The following KLHL1 variants were observed in gnomAD, a reference collection of about 807,000 sequenced individuals.
KLHL1 encodes kelch-like protein 1.
In KLHL1, 47 loss-of-function variants were observed where a neutral mutation model predicts 77.7. The observed-to-expected ratio is 0.60, with a 90% CI of 0.48 to 0.77. KLHL1 has a LOEUF of 0.77. Ranked by LOEUF, KLHL1 falls within the 30% of genes least tolerant of loss-of-function variation. KLHL1 has a pLI of 0.00. For missense variants in KLHL1, 925 were observed against 910.8 expected (o/e 1.02, Z -0.20); for synonymous variants, 360 against 325.2 (o/e 1.11, Z -1.15).
intron 5 of KLHL1, among the ~76,000 whole-genome samples, chr13:69,867,429 G>A (rs1880405677): frequency 6.6e-6 from 1 of 151,918 alleles, no homozygotes; most frequent in East Asian, 1.9e-4. Flanking sequence ...TCACACCTGA[G>A]AATAAGAAAG....
At chr13:70,068,624 T>G (rs1887071028) in intron 1 of KLHL1, among the ~76,000 whole-genome samples, 1 of 152,214 alleles carries the variant, frequency 6.6e-6, no homozygotes, top group Admixed American at 6.5e-5. Flanking sequence ...TGTGCCTATT[T>G]TGTGAGTGGA....
At chr13:69,969,698 A>AAAAAATACTGCTAACTCATT (rs1330578421) in intron 2 of KLHL1, among the ~76,000 whole-genome samples, 2 of 151,584 alleles carry the variant, frequency 1.3e-5, no homozygotes, top group Non-Finnish European at 2.9e-5. Flanking sequence ...CTAACTCATT[A>AAAAAATACTGCTAACTCATT]AAAAAAACTG....
chr13:70,078,390 C>T (rs971605795), intron 1 of KLHL1, among the ~76,000 whole-genome samples: 10 of 151,852 alleles, frequency 6.6e-5, no homozygotes, highest in African/African-American at 2.4e-4. Context: ...TATTTAAATA[C>T]CCCATTAGTT....
intron 4 of KLHL1, among the ~76,000 whole-genome samples, chr13:69,939,356 T>TACATATACATAC (rs1566424682): frequency 1.0e-4 from 8 of 78,494 alleles, no homozygotes; most frequent in African/African-American, 4.0e-4. Flanking sequence ...TATATATATA[T>TACATATACATAC]ATATATATAT....
intron 2 of KLHL1, among the ~76,000 whole-genome samples, chr13:69,969,500 G>A (rs1161747986): frequency 1.3e-5 from 2 of 151,854 alleles, no homozygotes; most frequent in African/African-American, 4.8e-5. Flanking sequence ...TAAACTAGAG[G>A]ATAAATATAT....
intron 1 of KLHL1, among the ~76,000 whole-genome samples, chr13:70,041,185 A>T (rs1256656500): frequency 6.6e-6 from 1 of 152,058 alleles, no homozygotes; most frequent in Non-Finnish European, 1.5e-5. Context: ...ATATTTTTAT[A>T]ATAACTGTTT....
chr13:69,738,776 T>C (rs1284574943), intron 8 of KLHL1, among the ~76,000 whole-genome samples: 1 of 152,088 alleles, frequency 6.6e-6, no homozygotes, highest in African/African-American at 2.4e-5. Context: ...CTACATCTGA[T>C]AGGGGTACCT....
At chr13:69,709,975 T>G (rs9317836) in intron 9 of KLHL1, among the ~76,000 whole-genome samples, 73,804 of 151,378 alleles carry the variant, frequency 0.49, 19,382 homozygotes, top group East Asian at 0.66. Flanking sequence ...ATTCATATTA[T>G]CCTCATTTAA....
rs1396192341 is a variant in KLHL1 at position 69,846,438 on chromosome 13, T to C, written c.1228-7276A>G. ...AAAATCGGAATAATTTAGCCATTTA[T>C]AGCTAGAACTTTTGACAACGAATTT... On this transcript the variant is annotated intron_variant, in intron 5 of 10. Transcript: ENST00000377844. 3.3e-5 allele frequency among the ~76,000 whole-genome samples: 5 copies of C among 151,682 alleles called. No homozygotes were observed. In the East Asian group the frequency reaches 9.7e-4, roughly 29 times the overall value.
chr13:69,922,175 G>T (rs567530695), intron 4 of KLHL1, among the ~76,000 whole-genome samples: 1 of 151,986 alleles, frequency 6.6e-6, no homozygotes, highest in African/African-American at 2.4e-5. Context: ...TCTAACTCCT[G>T]GTCTCAAGGG....
intron 7 of KLHL1, among the ~76,000 whole-genome samples, chr13:69,780,717 TATATATATATATATACATATATATATAC>T (rs1876122094): frequency 5.6e-5 from 2 of 35,476 alleles, no homozygotes; most frequent in African/African-American, 2.5e-4. Flanking sequence ...TATATATATG[TATATATATATATATACATATATATATAC>T]ATATATATAT....
At chr13:70,103,170 G>A (rs1443066836) in intron 1 of KLHL1, among the ~76,000 whole-genome samples, 1 of 152,114 alleles carries the variant, frequency 6.6e-6, no homozygotes, top group African/African-American at 2.4e-5. Flanking sequence ...ACTCAGGAAG[G>A]GAGCAGTTAA....
In KLHL1 at chr13:70,107,261, C is replaced by A; in HGVS notation, c.439G>T (p.Glu147Ter). ...GPHEKGLVLQ[E>*]LKVEPDNSSQ... ...GAGTTGTCTGGCTCCACTTTGAGCTCTTGCAGAACCAGCCCTTTTTCGTGT... is the reference window on the plus strand; with the variant it reads ...GAGTTGTCTGGCTCCACTTTGAGCTATTGCAGAACCAGCCCTTTTTCGTGT... The change falls in exon 1 of 11, where the codon GAG (glutamate) becomes TAG (stop). Residue 147 changes from glutamate (E) to a stop codon, truncating the protein, a stop_gained. Transcript: ENST00000377844. LOFTEE classifies it high-confidence loss of function. 6.2e-7 allele frequency: 1 copy of A among 1,614,088 alleles called. No homozygotes were observed. Among genetic ancestry groups the A allele is most frequent in the Non-Finnish European group, 8.5e-7 (1 of 1,180,002 alleles).
At chr13:69,792,189 G>A (rs1267406886) in intron 7 of KLHL1, among the ~76,000 whole-genome samples, 1 of 152,000 alleles carries the variant, frequency 6.6e-6, no homozygotes, top group Admixed American at 6.6e-5. Context: ...TCTAACCAGA[G>A]TATCAAAACG....
intron 3 of KLHL1, among the ~76,000 whole-genome samples, chr13:69,943,429 G>A (rs184051778): frequency 4.7e-4 from 71 of 152,060 alleles, no homozygotes; most frequent in Non-Finnish European, 8.7e-4. Context: ...AAAAAGAAGA[G>A]CAGATACACT....
At chr13:69,917,524 G>A (rs1882486818) in intron 4 of KLHL1, among the ~76,000 whole-genome samples, 1 of 152,062 alleles carries the variant, frequency 6.6e-6, no homozygotes. Context: ...ACAGGAACAA[G>A]AAACCCTTGG....
intron 4 of KLHL1, among the ~76,000 whole-genome samples, chr13:69,909,099 A>T (rs1882146002): frequency 6.7e-6 from 1 of 149,832 alleles, no homozygotes; most frequent in Non-Finnish European, 1.5e-5. Flanking sequence ...AAATATATAT[A>T]TATCCTATTA....
At chr13:69,961,614 C>T (rs1426420786) in intron 2 of KLHL1, among the ~76,000 whole-genome samples, 170 bp from the exon 3 acceptor site, 1 of 152,044 alleles carries the variant, frequency 6.6e-6, no homozygotes, top group South Asian at 2.1e-4. Context: ...AAACTCTTCC[C>T]CTAACTTTTC....
At chr13:70,012,028 C>T (rs1885545800) in intron 1 of KLHL1, among the ~76,000 whole-genome samples, 1 of 152,040 alleles carries the variant, frequency 6.6e-6, no homozygotes, top group Non-Finnish European at 1.5e-5. Flanking sequence ...CTTTATAAAA[C>T]CATCAGATCT....
Sources: gnomAD v4.1 joint callset for allele counts (sites outside exome capture counted in the v4.1 genomes callset) on GRCh38, gnomAD v4.1.1 for gene constraint, MANE v1.5 for transcripts, NCBI Gene and HGNC (gene_info 2026-07-23, HGNC 2026-07-21) for gene names.